The following ZNF695 variants were observed in gnomAD, a reference collection of about 807,000 sequenced individuals.
ZNF695 encodes zinc finger protein SBZF3.
In ZNF695, 11 loss-of-function variants were observed where a neutral mutation model predicts 11.2. The ratio of observed to expected loss-of-function variants is 0.98; its 90% confidence interval spans 0.62 to 1.62. The LOEUF (loss-of-function observed/expected upper bound fraction) is 1.62. Ranked by LOEUF, ZNF695 falls within the 40% of genes most tolerant of loss-of-function variation. The pLI is 0.00. For synonymous variants in ZNF695, 190 were observed against 201.4 expected (o/e 0.94, Z 0.48); for missense variants, 559 against 590.5 (o/e 0.95, Z 0.55).
chr1:246,948,301 T>A (rs1667789571), intron 5 of ZNF695, among the ~76,000 whole-genome samples: 1 of 151,876 alleles, frequency 6.6e-6, no homozygotes, highest in Admixed American at 6.6e-5. Flanking sequence ...CTTGAACTCC[T>A]GACCTCAAAT....
intron 4 of ZNF695, among the ~76,000 whole-genome samples, chr1:246,973,022 T>C (rs113857831): frequency 6.9e-6 from 1 of 145,676 alleles, no homozygotes; most frequent in Non-Finnish European, 1.5e-5. Flanking sequence ...ATAGGAAATT[T>C]CCTAAAATGT....
At chr1:246,975,920 TA>T (rs1181971663) in intron 4 of ZNF695, among the ~76,000 whole-genome samples, 1 of 152,106 alleles carries the variant, frequency 6.6e-6, no homozygotes, top group East Asian at 1.9e-4. Flanking sequence ...CAACTTATTC[TA>T]TTAGGCGAAG....
At chr1:246,964,223 C>A (rs1668233070) in intron 5 of ZNF695, among the ~76,000 whole-genome samples, 3 of 152,114 alleles carry the variant, frequency 2.0e-5, no homozygotes, top group African/African-American at 7.2e-5. Flanking sequence ...CACATAGGCA[C>A]CACCAATTAC....
At chr1:246,977,802 T>C (rs766035697) in intron 4 of ZNF695, among the ~76,000 whole-genome samples, 4 of 152,234 alleles carry the variant, frequency 2.6e-5, no homozygotes, top group Non-Finnish European at 4.4e-5. Context: ...GAACTAATAG[T>C]GCAGTGACCT....
intron 1 of ZNF695, among the ~76,000 whole-genome samples, chr1:247,005,605 T>C (rs1389055236): frequency 2.0e-5 from 3 of 152,030 alleles, no homozygotes; most frequent in Non-Finnish European, 4.4e-5. Context: ...CCCAGTTTAC[T>C]CGGGAGGCTG....
chr1:246,973,756 A>T (rs1668487387), intron 4 of ZNF695, among the ~76,000 whole-genome samples: 2 of 152,242 alleles, frequency 1.3e-5, no homozygotes. Flanking sequence ...CAGAGGGGTT[A>T]AAAACATATC....
At chr1:246,952,350 T>A (rs1399281684) in intron 5 of ZNF695, among the ~76,000 whole-genome samples, 1 of 152,230 alleles carries the variant, frequency 6.6e-6, no homozygotes, top group Non-Finnish European at 1.5e-5. Flanking sequence ...TTTGCACAGG[T>A]GATTTAAACA....
At chr1:246,973,729 A>G (rs1668486799) in intron 4 of ZNF695, among the ~76,000 whole-genome samples, 1 of 152,246 alleles carries the variant, frequency 6.6e-6, no homozygotes, top group Admixed American at 6.5e-5. Flanking sequence ...TCTTTTATAG[A>G]TGAGAAAAGC....
At position 246,986,361 on chromosome 1, in the gene ZNF695, C is replaced by T. The variant is rs567411807; in HGVS notation, c.*606G>A. On this transcript the variant is annotated 3_prime_UTR_variant, in exon 4 of 4. Coordinates refer to ENST00000339986, the MANE Select transcript of ZNF695 (RefSeq NM_020394.5). ...GCAACTATAGGAAAGAGCCACCGTG[C>T]CTGGCACCAAAAGGTATACTTGAAA... 2 of 985,222 alleles carry T rather than the reference C, an allele frequency of 2.0e-6. No individual in the cohort carries two copies. Among genetic ancestry groups the T allele is most frequent in the Non-Finnish European group, 2.4e-6 (2 of 829,842 alleles). 61.0% of individuals were successfully genotyped at this position (985,222 alleles called of 1,614,324 possible). A position where few individuals can be genotyped will look rare whatever the true frequency, so the allele number is the denominator to read the frequency against.
At chr1:246,961,244 G>C (rs1007083616) in intron 5 of ZNF695, among the ~76,000 whole-genome samples, 1 of 152,152 alleles carries the variant, frequency 6.6e-6, no homozygotes, top group African/African-American at 2.4e-5. Context: ...CACTTCATTA[G>C]AAGTTATATA....
At chr1:246,978,917 C>T (rs1048654435) in intron 4 of ZNF695, among the ~76,000 whole-genome samples, 4 of 152,120 alleles carry the variant, frequency 2.6e-5, no homozygotes, top group Admixed American at 6.6e-5. Flanking sequence ...CAGTGGCCCG[C>T]GTGAGATGCA....
At chr1:246,948,007 A>G (rs976725193) in intron 5 of ZNF695, among the ~76,000 whole-genome samples, 2 of 152,034 alleles carry the variant, frequency 1.3e-5, no homozygotes, top group African/African-American at 4.8e-5. Context: ...GAAAGAGCAC[A>G]GTTTGCTTGG....
downstream of ZNF695, among the ~76,000 whole-genome samples, chr1:246,981,176 G>A (rs1226526829): frequency 1.3e-5 from 2 of 152,218 alleles, no homozygotes. Flanking sequence ...GAACTGCTAT[G>A]AGGTATCACC....
At chr1:247,002,572 G>A (rs1458186763) in intron 1 of ZNF695, among the ~76,000 whole-genome samples, 6 of 152,208 alleles carry the variant, frequency 3.9e-5, no homozygotes, top group African/African-American at 1.4e-4. Context: ...GATCACCTGA[G>A]GTCAGGAGTT....
chr1:246,986,088 G>C lies in ZNF695; in HGVS notation c.*879C>G, dbSNP rs779284042. On this transcript the variant is annotated 3_prime_UTR_variant, in exon 4 of 4. Transcript: ENST00000339986. ...TTATTATGTTGTTATTATTATTATT[G>C]AGAAAGGGTCTTGCTCTGTTGCCCA... The C allele has an allele frequency of 1.0e-6, 1 of 962,952 alleles. No homozygotes were observed. The highest frequency in any genetic ancestry group is 1.2e-6 in the Non-Finnish European group (1 of 809,532). 59.7% of individuals were successfully genotyped at this position (962,952 alleles called of 1,614,324 possible).
chr1:246,959,495 C>G (rs536817020), intron 5 of ZNF695, among the ~76,000 whole-genome samples: 3 of 150,572 alleles, frequency 2.0e-5, no homozygotes, highest in African/African-American at 7.3e-5. Context: ...GGCACAGTCT[C>G]GGCTCACTGC....
In ZNF695 at chr1:246,987,080, G is replaced by A. The variant is rs778364045; in HGVS notation, c.1435C>T (p.Leu479Phe). The A allele has an allele frequency of 3.1e-6, 5 of 1,614,076 alleles. No homozygotes were observed. The South Asian group carries it at 5.5e-5, about 18-fold the overall frequency. The change falls in exon 4 of 4, where the codon CTT becomes TTT. Residue 479 changes from leucine (L) to phenylalanine (F), a missense_variant. Coordinates refer to ENST00000339986, the MANE Select transcript of ZNF695 (RefSeq NM_020394.5). ...GTATGAATTGTCTTATGTTTAGAAA[G>A]GTGTGAGCTCTGGCCAAAGGCTTTG... ...CGKAFGQSSH[L>F]SKHKTIHTRE...
intron 5 of ZNF695, among the ~76,000 whole-genome samples, chr1:246,955,707 C>T (rs1667978006): frequency 6.6e-6 from 1 of 152,154 alleles, no homozygotes; most frequent in South Asian, 2.1e-4. Context: ...CCTATATTTA[C>T]CTAGCGATGT....
intron 5 of ZNF695, among the ~76,000 whole-genome samples, chr1:246,956,291 T>C (rs1667999281): frequency 6.6e-6 from 1 of 151,014 alleles, no homozygotes; most frequent in South Asian, 2.1e-4. Context: ...CCCGGCCGAT[T>C]GGATCATTAT....
Sources: gnomAD v4.1 joint callset for allele counts (sites outside exome capture counted in the v4.1 genomes callset) on GRCh38, gnomAD v4.1.1 for gene constraint, MANE v1.5 for transcripts, NCBI Gene and HGNC (gene_info 2026-07-23, HGNC 2026-07-21) for gene names.